ARHGEF10L: variants seen among roughly 807,000 people sequenced by gnomAD.
The protein encoded by ARHGEF10L is Rho guanine nucleotide exchange factor 10 like.
ARHGEF10L carries 69 observed loss-of-function variants against 141.2 expected under a neutral mutation model. The ratio of observed to expected loss-of-function variants is 0.49; its 90% CI spans 0.40 to 0.60. The LOEUF (loss-of-function observed/expected upper bound fraction) is 0.60, where lower values mean the gene tolerates loss of function less well. Ranked by LOEUF, ARHGEF10L falls within the 20% of genes least tolerant of loss-of-function variation. The probability of loss-of-function intolerance (pLI) is 0.00; values close to 1 mark genes in which losing one functional copy is unlikely to be tolerated. For synonymous variants in ARHGEF10L, 711 were observed against 718.5 expected (o/e 0.99, Z 0.17); for missense variants, 1,482 against 1,734.3 (o/e 0.85, Z 2.58).
chr1:17,545,423 T>C (rs2076883787), intron 1 of ARHGEF10L, among the ~76,000 whole-genome samples: 1 of 152,138 alleles, frequency 6.6e-6, no homozygotes, highest in African/African-American at 2.4e-5. Flanking sequence ...AGGTTGTAAA[T>C]TGCCCTCAAA....
chr1:17,627,275 G>C lies in ARHGEF10L; in HGVS notation c.1411-55G>C. On this transcript the variant is annotated intron_variant, in intron 14 of 28. Transcript: ENST00000361221. This position sits in a 1 kb window ranked among gnomAD's most constrained non-coding sequence, Gnocchi z 4.0. ...TGCGCAGGGTGAGGCTTTGCCCCAGGCTGGGGTAGAGTTGGTCATGGGTGG... is the reference window on the plus strand; with the variant it reads ...TGCGCAGGGTGAGGCTTTGCCCCAGCCTGGGGTAGAGTTGGTCATGGGTGG... 1 of 1,586,040 alleles carries C rather than the reference G, an allele frequency of 6.3e-7. No homozygotes were observed. The highest frequency in any genetic ancestry group is 8.6e-7 in the Non-Finnish European group (1 of 1,161,532).
At chr1:17,611,533 TATCC>T (rs56751222) in intron 7 of ARHGEF10L, among the ~76,000 whole-genome samples, 15,491 of 150,680 alleles carry the variant, frequency 0.1, 917 homozygotes, top group Non-Finnish European at 0.13. Context: ...TCTGTCTGTA[TATCC>T]ATCCATCCAT....
At chr1:17,640,786 G>A (rs904276018) in intron 21 of ARHGEF10L, among the ~76,000 whole-genome samples, 4 of 152,200 alleles carry the variant, frequency 2.6e-5, no homozygotes, top group African/African-American at 9.7e-5. Flanking sequence ...ATGCAGGTTG[G>A]ACTATACTGA....
At chr1:17,671,498 T>TA (rs1388758021) in intron 26 of ARHGEF10L, among the ~76,000 whole-genome samples, 1 of 152,168 alleles carries the variant, frequency 6.6e-6, no homozygotes, top group East Asian at 1.9e-4. Flanking sequence ...GTGGTGTTTC[T>TA]ATGGCAACCC....
At chr1:17,568,248 C>G (rs902307293) in intron 1 of ARHGEF10L, among the ~76,000 whole-genome samples, 1 of 152,216 alleles carries the variant, frequency 6.6e-6, no homozygotes, top group Non-Finnish European at 1.5e-5. Context: ...TTATTGAGCA[C>G]TTACTGTGTT....
chr1:17,526,603 CTGACAAAG>C, the ARHGEF10L span, among the ~76,000 whole-genome samples: 1 of 152,122 alleles, frequency 6.6e-6, no homozygotes, highest in Non-Finnish European at 1.5e-5. Context: ...CTCCCTGTTT[CTGACAAAG>C]AGACAAGGCT....
At chr1:17,543,967 A>T (rs1266395370) in intron 1 of ARHGEF10L, among the ~76,000 whole-genome samples, 3 of 150,192 alleles carry the variant, frequency 2.0e-5, no homozygotes, top group African/African-American at 4.9e-5. Context: ...TATTTTTGAG[A>T]TGGAGTTTCA....
the ARHGEF10L span, among the ~76,000 whole-genome samples, chr1:17,530,435 T>C: frequency 4.6e-5 from 7 of 152,132 alleles, no homozygotes; most frequent in South Asian, 6.2e-4. Flanking sequence ...GTTGTGTAGA[T>C]AGGAGATGGT....
At chr1:17,600,629 A>C (rs929747377) in intron 4 of ARHGEF10L, among the ~76,000 whole-genome samples, 34 of 152,042 alleles carry the variant, frequency 2.2e-4, no homozygotes, top group African/African-American at 8.2e-4. Flanking sequence ...TTTCCTACTT[A>C]TGTTTATTTT....
At chr1:17,583,416 GATA>G (rs1165809182) in intron 2 of ARHGEF10L, among the ~76,000 whole-genome samples, 5 of 152,090 alleles carry the variant, frequency 3.3e-5, no homozygotes, top group African/African-American at 9.7e-5. Flanking sequence ...TAACGATGGT[GATA>G]ATAATAAGCA....
chr1:17,562,310 A>G (rs144223446), intron 1 of ARHGEF10L, among the ~76,000 whole-genome samples: 49 of 152,318 alleles, frequency 3.2e-4, no homozygotes, highest in African/African-American at 8.7e-4. Flanking sequence ...CTAGCTACTC[A>G]GGAGGCTGAA....
chr1:17,593,344 T>G (rs2079759298), intron 4 of ARHGEF10L, among the ~76,000 whole-genome samples: 1 of 152,156 alleles, frequency 6.6e-6, no homozygotes, highest in Non-Finnish European at 1.5e-5. Flanking sequence ...CCCTTGGAGA[T>G]TTCCGTGTCT....
In ARHGEF10L at chr1:17,573,229, A is replaced by G. The variant is rs1377645863; in HGVS notation, c.-43-7324A>G. On this transcript the variant is annotated intron_variant, in intron 1 of 28. Transcript: ENST00000361221. The surrounding 1 kb of genome is among the most constrained non-coding windows in gnomAD (Gnocchi z 4.8). ...ACCTCTCAGGCTGCCTGCAGCCTAA[A>G]CACACTCTCATGCTAAGTGGCGAGG... is the stretch of plus-strand genomic sequence containing the variant. Among the ~76,000 whole-genome samples the G allele has an allele frequency of 6.6e-6, 1 of 152,150 alleles. No individual in the cohort carries two copies. The highest frequency in any genetic ancestry group is 1.5e-5 in the Non-Finnish European group (1 of 68,030).
chr1:17,553,643 G>T (rs1274644165), intron 1 of ARHGEF10L, among the ~76,000 whole-genome samples: 3 of 151,906 alleles, frequency 2.0e-5, no homozygotes, highest in African/African-American at 7.3e-5. Flanking sequence ...ACAAAAATTA[G>T]CCAGGCATGA....
chr1:17,621,834 T>G lies in ARHGEF10L; in HGVS notation c.943-30T>G. On this transcript the variant is annotated intron_variant, in intron 10 of 28. Coordinates refer to ENST00000361221, the MANE Select transcript of ARHGEF10L (RefSeq NM_018125.4). This position sits in a 1 kb window ranked among gnomAD's most constrained non-coding sequence, Gnocchi z 4.1. The stretch of plus-strand genomic sequence containing the variant: ...TGGGCCCTGTGCAGCAGGTGTCATG[T>G]GCGCTGACCGTGCTTTTTGGCCCGA... 2 of 1,609,216 alleles carry G rather than the reference T, an allele frequency of 1.2e-6. No individual in the cohort carries two copies. The highest frequency in any genetic ancestry group is 1.7e-6 in the Non-Finnish European group (2 of 1,175,574).
intron 1 of ARHGEF10L, among the ~76,000 whole-genome samples, chr1:17,541,691 G>T (rs1165461077): frequency 6.6e-6 from 1 of 152,180 alleles, no homozygotes; most frequent in Non-Finnish European, 1.5e-5. Context: ...ATTATGGCCA[G>T]GCTCAGTAGC....
chr1:17,653,882 C>T (rs902986299), intron 22 of ARHGEF10L, among the ~76,000 whole-genome samples: 1 of 152,214 alleles, frequency 6.6e-6, no homozygotes, highest in Non-Finnish European at 1.5e-5. Flanking sequence ...CGCCCATGGC[C>T]ATTAGAAATT....
At chr1:17,535,909 C>T (rs186492339), upstream of ARHGEF10L, among the ~76,000 whole-genome samples, 1 of 152,296 alleles carries the variant, frequency 6.6e-6, no homozygotes, top group East Asian at 1.9e-4. Flanking sequence ...AGTCCAGCCT[C>T]CGTGGACTCA....
intron 4 of ARHGEF10L, among the ~76,000 whole-genome samples, chr1:17,601,058 AAAAAAAAAAAC>A (rs1390247867): frequency 6.7e-6 from 1 of 149,008 alleles, no homozygotes; most frequent in East Asian, 1.9e-4. Context: ...TCAAAAAAAA[AAAAAAAAAAAC>A]AAAAAACAAA....
Sources: gnomAD v4.1 joint callset for allele counts (sites outside exome capture counted in the v4.1 genomes callset) on GRCh38, gnomAD v4.1.1 for gene constraint, Gnocchi (gnomAD v3.1) non-coding constraint, MANE v1.5 for transcripts, NCBI Gene and HGNC (gene_info 2026-07-23, HGNC 2026-07-21) for gene names.